The following SATB2 variants were observed in gnomAD, a reference collection of about 807,000 sequenced individuals.
SATB2 encodes the protein DNA-binding protein SATB2.
In SATB2, 1 loss-of-function variant was observed where a neutral mutation model predicts 73.4. That is an observed-to-expected ratio of 0.01 (90% confidence interval 0.00 to 0.06). The LOEUF is 0.06. Among genes scored for constraint, SATB2 ranks in the 10% least tolerant of loss-of-function variants. The pLI is 1.00. For synonymous variants in SATB2, 397 were observed against 367.0 expected, an observed-to-expected ratio of 1.08 and a Z score of -0.93; for missense variants, 459 against 945.8, an observed-to-expected ratio of 0.49 and a Z score of 6.75.
intron 9 of SATB2, among the ~76,000 whole-genome samples, chr2:199,320,087 G>A (rs1327291432): frequency 6.6e-6 from 1 of 152,168 alleles, no homozygotes; most frequent in African/African-American, 2.4e-5. Flanking sequence ...GGGCCAGCAA[G>A]ATTAGCAGAA....
intron 10 of SATB2, among the ~76,000 whole-genome samples, chr2:199,288,678 C>T (rs1237405682): frequency 6.6e-6 from 1 of 152,110 alleles, no homozygotes; most frequent in Non-Finnish European, 1.5e-5. Flanking sequence ...GAAAACTGCA[C>T]TGTGTGAATC....
intron 10 of SATB2, among the ~76,000 whole-genome samples, chr2:199,286,033 T>G (rs1401620893): frequency 6.6e-6 from 1 of 152,104 alleles, no homozygotes; most frequent in Non-Finnish European, 1.5e-5. Context: ...AAACTTGGGT[T>G]TTGGAGGAAG....
chr2:199,426,692 C>CAAAAAAAAAAAAAAAAAAAAAAAA (rs200293007), intron 3 of SATB2, among the ~76,000 whole-genome samples: 4 of 128,242 alleles, frequency 3.1e-5, no homozygotes, highest in African/African-American at 9.9e-5. Flanking sequence ...CATTCTCTCT[C>CAAAAAAAAAAAAAAAAAAAAAAAA]AAAAAAAAAA....
In SATB2 at chr2:199,271,734, T is replaced by C. The variant is rs1231592101; in HGVS notation, c.*477A>G. 1 of 156,024 alleles carries C rather than the reference T, an allele frequency of 6.4e-6. No homozygotes were observed. Among genetic ancestry groups the C allele is most frequent in the East Asian group, 1.8e-4 (1 of 5,414 alleles). The allele number at this position is 156,024 out of a possible 1,614,324, so 9.7% of individuals were successfully genotyped here. A position where few individuals can be genotyped will look rare whatever the true frequency, so the allele number is the denominator to read the frequency against. On this transcript the variant is annotated 3_prime_UTR_variant, in exon 11 of 11. Coordinates refer to ENST00000417098, the MANE Select transcript of SATB2 (RefSeq NM_001172509.2). ...AGAACTCATTTCACAGTCTATTCTT[T>C]CGGATTGCAAAGTCTCTGTCCCATG...
intron 10 of SATB2, among the ~76,000 whole-genome samples, chr2:199,288,576 T>C (rs1009762135): frequency 2.0e-5 from 3 of 152,198 alleles, no homozygotes; most frequent in South Asian, 2.1e-4. Flanking sequence ...CTGACAGTTA[T>C]GGTTAGTGAA....
intron 3 of SATB2, among the ~76,000 whole-genome samples, chr2:199,394,809 T>A (rs947583486): frequency 1.3e-5 from 2 of 152,120 alleles, no homozygotes; most frequent in Non-Finnish European, 2.9e-5. Flanking sequence ...TTTTTTTAAT[T>A]CAACCATCCT....
chr2:199,306,881 C>CT (rs1687447838), intron 10 of SATB2, among the ~76,000 whole-genome samples: 1 of 152,220 alleles, frequency 6.6e-6, no homozygotes, highest in South Asian at 2.1e-4. Flanking sequence ...TCAAATTTCT[C>CT]TAAGTTTCCA....
intron 3 of SATB2, among the ~76,000 whole-genome samples, chr2:199,403,808 C>A (rs1690554138): frequency 6.6e-6 from 1 of 151,996 alleles, no homozygotes; most frequent in Admixed American, 6.6e-5. Context: ...ATTGGAACAC[C>A]AACAAATTAA....
chr2:199,284,075 T>C (rs1692613168), intron 10 of SATB2, among the ~76,000 whole-genome samples: 1 of 152,234 alleles, frequency 6.6e-6, no homozygotes, highest in East Asian at 1.9e-4. Context: ...CTGACAGCAT[T>C]TGTTGCCAAT....
At chr2:199,288,190 A>G (rs922990963) in intron 10 of SATB2, among the ~76,000 whole-genome samples, 4 of 152,220 alleles carry the variant, frequency 2.6e-5, no homozygotes, top group Non-Finnish European at 5.9e-5. Flanking sequence ...AGTGGGTTAT[A>G]AAGAGATTTT....
intron 6 of SATB2, among the ~76,000 whole-genome samples, chr2:199,367,989 A>T (rs1689337753): frequency 6.6e-6 from 1 of 152,060 alleles, no homozygotes. Flanking sequence ...GTATACTATT[A>T]TTTGTCAAGA....
Position 199,289,350 on chromosome 2 carries a change from G to C in SATB2, c.1741-16678C>G, listed in dbSNP as rs531016457. Among the ~76,000 whole-genome samples, 16 of 152,202 alleles carry C rather than the reference G, an allele frequency of 1.1e-4. No homozygotes were observed. In the East Asian group the frequency reaches 3.1e-3, roughly 29 times the overall value. On this transcript the variant is annotated intron_variant, in intron 10 of 10. Transcript: ENST00000417098. ...TCCCAGGGGTCCAAGGATGGTCACT[G>C]GGAAGAGAAATCTCAGTTCCTAATT...
intron 7 of SATB2, among the ~76,000 whole-genome samples, chr2:199,340,741 T>C (rs1015362800): frequency 3.3e-5 from 5 of 152,170 alleles, no homozygotes; most frequent in Admixed American, 2.6e-4. Flanking sequence ...AGAGAAGATA[T>C]GAGGATCGCA....
intron 5 of SATB2, among the ~76,000 whole-genome samples, chr2:199,375,983 G>GC (rs1316288493): frequency 1.3e-5 from 2 of 152,154 alleles, no homozygotes; most frequent in African/African-American, 2.4e-5. Context: ...AAAACTGCAT[G>GC]CATCTGTTCT....
chr2:199,338,789 T>C (rs1271680910), intron 7 of SATB2, among the ~76,000 whole-genome samples: 1 of 151,786 alleles, frequency 6.6e-6, no homozygotes, highest in Non-Finnish European at 1.5e-5. Context: ...TGGCAGTGCA[T>C]GCCTGTAGTC....
chr2:199,301,371 T>G (rs1033610057), intron 10 of SATB2, among the ~76,000 whole-genome samples: 2 of 152,164 alleles, frequency 1.3e-5, no homozygotes, highest in African/African-American at 4.8e-5. Context: ...TGCAGGGTAC[T>G]AGAAGCCATG....
At chr2:199,283,029 C>T (rs916925331) in intron 10 of SATB2, among the ~76,000 whole-genome samples, 2 of 151,946 alleles carry the variant, frequency 1.3e-5, no homozygotes, top group Non-Finnish European at 2.9e-5. Flanking sequence ...AGGCCCATGC[C>T]ATCAAAACTA....
intron 2 of SATB2, among the ~76,000 whole-genome samples, chr2:199,438,713 G>A (rs537105091): frequency 1.3e-4 from 20 of 152,336 alleles, no homozygotes; most frequent in South Asian, 4.1e-4. Flanking sequence ...ATGGGCTTGC[G>A]CCAAAGTTGG....
chr2:199,284,708 T>A (rs1357985996), intron 10 of SATB2, among the ~76,000 whole-genome samples: 1 of 152,066 alleles, frequency 6.6e-6, no homozygotes, highest in African/African-American at 2.4e-5. Context: ...CATTTACATA[T>A]ATGCATTTAT....
Sources: allele counts gnomAD v4.1 joint callset (sites outside exome capture counted in the v4.1 genomes callset), GRCh38; gene constraint gnomAD v4.1.1; transcripts MANE v1.5; gene names NCBI Gene and HGNC (gene_info 2026-07-23, HGNC 2026-07-21).